The following LRRC4B variants were observed in gnomAD, a reference collection of about 807,000 sequenced individuals.
The protein encoded by LRRC4B is leucine-rich repeat-containing protein 4B.
LRRC4B carries 1 observed loss-of-function variant against 7.3 expected under a neutral mutation model. The ratio of observed to expected loss-of-function variants is 0.14; its 90% CI spans 0.05 to 0.65. LRRC4B has a LOEUF of 0.65. Among genes scored for constraint, LRRC4B ranks in the 30% least tolerant of loss-of-function variants. The probability of loss-of-function intolerance (pLI) is 0.84; values close to 1 mark genes in which losing one functional copy is unlikely to be tolerated. For synonymous variants in LRRC4B, 500 were observed against 499.2 expected (o/e 1.00, Z -0.02); for missense variants, 730 against 1,041.6 (o/e 0.70, Z 4.12).
chr19:50,549,994 G>C (rs1173415828), intron 1 of LRRC4B, among the ~76,000 whole-genome samples: 1 of 152,172 alleles, frequency 6.6e-6, no homozygotes, highest in Non-Finnish European at 1.5e-5. Flanking sequence ...CATTTCCATG[G>C]AACCAGAGAG....
chr19:50,549,062 C>T (rs1031573999), intron 1 of LRRC4B, among the ~76,000 whole-genome samples, 189 bp from the exon 2 acceptor site: 3 of 152,180 alleles, frequency 2.0e-5, no homozygotes, highest in Admixed American at 6.5e-5. Flanking sequence ...GGAAGCTTGG[C>T]CCGCCTGGCC....
In LRRC4B at chr19:50,517,315, G is replaced by T; in HGVS notation, c.*256C>A. 1 of 344,108 alleles carries T rather than the reference G, an allele frequency of 2.9e-6. No homozygotes were observed. The highest frequency in any genetic ancestry group is 5.2e-6 in the Non-Finnish European group (1 of 190,846). The allele number at this position is 344,108 out of a possible 1,614,324, so 21.3% of individuals were successfully genotyped here. Reference sequence around the variant, plus strand: ...CGGAGAACTCAGGCCACTTCTCCTGGGTCCCACGTCCCCTCCCGTCACCGG... The same window carrying T: ...CGGAGAACTCAGGCCACTTCTCCTGTGTCCCACGTCCCCTCCCGTCACCGG... On this transcript the variant is annotated 3_prime_UTR_variant, in exon 3 of 3. Transcript: ENST00000652263. This position sits in a 1 kb window ranked among gnomAD's most constrained non-coding sequence, Gnocchi z 6.6.
At chr19:50,559,949 A>G (rs1982412729) in intron 1 of LRRC4B, among the ~76,000 whole-genome samples, 1 of 152,180 alleles carries the variant, frequency 6.6e-6, no homozygotes, top group Non-Finnish European at 1.5e-5. Context: ...AGCCTGACCA[A>G]CATGGTGAAA....
In LRRC4B at chr19:50,518,677, G is replaced by A; in HGVS notation, c.1036C>T (p.Leu346Phe). 1 of 1,613,688 alleles carries A rather than the reference G, an allele frequency of 6.2e-7. No homozygotes were observed. The highest frequency in any genetic ancestry group is 8.5e-7 in the Non-Finnish European group (1 of 1,179,828). Reference sequence around the variant, plus strand: ...AGCTCCCCAATGTAGCGCCCCTTGAGGCCGGCGGGCGCATGACAGCGGGCG... The same window carrying A: ...AGCTCCCCAATGTAGCGCCCCTTGAAGCCGGCGGGCGCATGACAGCGGGCG... ...CCARCHAPAG[L>F]KGRYIGELDQ... The change falls in exon 3 of 3, where the codon CTC (leucine) becomes TTC (phenylalanine). Residue 346 changes from leucine (L) to phenylalanine (F), a missense_variant. Leu to Phe is a conservative substitution (Grantham distance 22). Around this residue, in one of 6 missense-constraint regions of LRRC4B, gnomAD observed 226 missense variants for 448.0 expected, o/e 0.50. Coordinates refer to ENST00000652263, the MANE Select transcript of LRRC4B (RefSeq NM_001080457.2).
In LRRC4B at chr19:50,548,517, C is replaced by A; in HGVS notation, c.297+25G>T. 2 of 1,573,628 alleles carry A rather than the reference C, an allele frequency of 1.3e-6. No individual in the cohort carries two copies. The highest frequency in any genetic ancestry group is 1.7e-6 in the Non-Finnish European group (2 of 1,167,196). Reference sequence around the variant, plus strand: ...CTCCCCAGTGTCCCCTCCAAGGTCCCCCTCTGCCCGCTGGCCCCGCATACC... The same window carrying A: ...CTCCCCAGTGTCCCCTCCAAGGTCCACCTCTGCCCGCTGGCCCCGCATACC... On this transcript the variant is annotated intron_variant, in intron 2 of 2. Transcript: ENST00000652263. The surrounding 1 kb of genome is among the most constrained non-coding windows in gnomAD (Gnocchi z 6.8).
intron 1 of LRRC4B, among the ~76,000 whole-genome samples, chr19:50,558,509 G>T (rs756102502): frequency 7.2e-5 from 11 of 152,168 alleles, no homozygotes; most frequent in African/African-American, 2.7e-4. Context: ...GATTATAAGC[G>T]TGAGCCACGG....
chr19:50,539,844 G>A (rs1368144213), intron 2 of LRRC4B, among the ~76,000 whole-genome samples: 5 of 148,028 alleles, frequency 3.4e-5, no homozygotes, highest in South Asian at 2.2e-4. Flanking sequence ...CCGAGATCGC[G>A]CCACTGCACT....
Position 50,555,154 on chromosome 19 carries a change from A to G in LRRC4B, c.-35-6281T>C, listed in dbSNP as rs1568735327. 1.3e-5 allele frequency among the ~76,000 whole-genome samples: 2 copies of G among 152,160 alleles called. No individual in the cohort carries two copies. The highest frequency in any genetic ancestry group is 1.9e-4 in the East Asian group (1 of 5,194). ...ACTGATTACATGTGGGTGCCATGCT[A>G]TCCACTCCTCAAGCTGCTGGCTTCT... On this transcript the variant is annotated intron_variant, in intron 1 of 2. Coordinates refer to ENST00000652263, the MANE Select transcript of LRRC4B (RefSeq NM_001080457.2). The surrounding 1 kb of genome is among the most constrained non-coding windows in gnomAD (Gnocchi z 5.2).
intron 2 of LRRC4B, among the ~76,000 whole-genome samples, chr19:50,522,459 ATTAT>A (rs71332009): frequency 0.02 from 3,007 of 147,156 alleles, 37 homozygotes; most frequent in Admixed American, 0.033. Flanking sequence ...TATTTTATTT[ATTAT>A]TTATTTATTT....
chr19:50,522,552 C>A (rs1175772010), intron 2 of LRRC4B, among the ~76,000 whole-genome samples: 1 of 152,160 alleles, frequency 6.6e-6, no homozygotes, highest in African/African-American at 2.4e-5. Context: ...TCTCGGCTCA[C>A]TGCAACCTCT....
At chr19:50,559,750 CTAAAAGTCA>C (rs776237267) in intron 1 of LRRC4B, among the ~76,000 whole-genome samples, 2 of 152,328 alleles carry the variant, frequency 1.3e-5, no homozygotes, top group South Asian at 4.1e-4. Flanking sequence ...AAGGGTGCTG[CTAAAAGTCA>C]TAAAAAGCTG....
intron 1 of LRRC4B, among the ~76,000 whole-genome samples, chr19:50,559,433 G>GA (rs1347362556): frequency 5.3e-5 from 8 of 152,046 alleles, no homozygotes; most frequent in South Asian, 4.2e-4. Flanking sequence ...GACTCTGTCT[G>GA]AAAAAAAGGA....
chr19:50,551,627 C>A (rs1020729305), intron 1 of LRRC4B, among the ~76,000 whole-genome samples: 1 of 142,242 alleles, frequency 7.0e-6, no homozygotes, highest in African/African-American at 2.6e-5. Flanking sequence ...CCCTCACAAT[C>A]TTGCCTCCCT....
intron 2 of LRRC4B, among the ~76,000 whole-genome samples, chr19:50,522,996 C>G (rs975109891): frequency 1.3e-5 from 2 of 152,220 alleles, no homozygotes; most frequent in Non-Finnish European, 2.9e-5. Context: ...CAAGGTCACA[C>G]AGAAGTGGAC....
intron 1 of LRRC4B, among the ~76,000 whole-genome samples, chr19:50,564,881 GCC>G (rs1417590297): frequency 2.8e-4 from 5 of 17,902 alleles, no homozygotes; most frequent in South Asian, 2.3e-3. Flanking sequence ...GGCCACCCCC[GCC>G]CCCAATCCCC....
In LRRC4B at chr19:50,552,591, T is replaced by G. The variant is rs1982114168; in HGVS notation, c.-35-3718A>C. On this transcript the variant is annotated intron_variant, in intron 1 of 2. Transcript: ENST00000652263. ...GTCCACCCATCCGTCCATCCATCTG[T>G]CCATCCATCCATCCATCCATCCATC... is the stretch of plus-strand genomic sequence containing the variant. 7.1e-5 allele frequency among the ~76,000 whole-genome samples: 3 copies of G among 41,964 alleles called. No individual in the cohort carries two copies. In the South Asian group the frequency reaches 1.6e-3, roughly 23 times the overall value. 27.5% of individuals were successfully genotyped at this position (41,964 alleles called of 152,430 possible).
At chr19:50,566,588 G>A (rs1982637821) in intron 1 of LRRC4B, among the ~76,000 whole-genome samples, 1 of 150,946 alleles carries the variant, frequency 6.6e-6, no homozygotes, top group Non-Finnish European at 1.5e-5. Flanking sequence ...GTGGAGGGGT[G>A]GGCAAGAGGC....
rs555601770 is a variant in LRRC4B at position 50,553,845 on chromosome 19, G to A, written c.-35-4972C>T. Among the ~76,000 whole-genome samples, 9 of 151,656 alleles carry A rather than the reference G, an allele frequency of 5.9e-5. No individual in the cohort carries two copies. The highest frequency in any genetic ancestry group is 2.1e-4 in the South Asian group (1 of 4,776). ...TCACTGTGAGTCTATTTCCCCCCAC[G>A]CTCACACACAGATACCCCCACTCTC... On this transcript the variant is annotated intron_variant, in intron 1 of 2. Transcript: ENST00000652263. This position sits in a 1 kb window ranked among gnomAD's most constrained non-coding sequence, Gnocchi z 4.2.
chr19:50,539,001 C>T (rs867369974), intron 2 of LRRC4B, among the ~76,000 whole-genome samples: 1 of 151,668 alleles, frequency 6.6e-6, no homozygotes, highest in Middle Eastern at 3.4e-3. Flanking sequence ...GATTCTCCTG[C>T]CTCAGCCTCC....
Sources: allele counts gnomAD v4.1 joint callset (sites outside exome capture counted in the v4.1 genomes callset), GRCh38; gene constraint gnomAD v4.1.1; regional missense constraint gnomAD v4.1.1; non-coding constraint Gnocchi (gnomAD v3.1); transcripts MANE v1.5; gene names NCBI Gene and HGNC (gene_info 2026-07-23, HGNC 2026-07-21).